The following MAP3K1 variants were observed in gnomAD, a reference collection of about 807,000 sequenced individuals.
MAP3K1 encodes mitogen-activated protein kinase kinase kinase 1.
Under a neutral mutation model 144.2 loss-of-function variants are expected in MAP3K1, and 36 were observed. That is an observed-to-expected ratio of 0.25 (90% confidence interval 0.19 to 0.33). The LOEUF (loss-of-function observed/expected upper bound fraction) is 0.33, where lower values mean the gene tolerates loss of function less well. Ranked by LOEUF, MAP3K1 falls within the 10% of genes least tolerant of loss-of-function variation. The probability of loss-of-function intolerance (pLI) is 1.00; values close to 1 mark genes in which losing one functional copy is unlikely to be tolerated. For synonymous variants in MAP3K1, 718 were observed against 688.7 expected (o/e 1.04, Z -0.67); for missense variants, 1,650 against 1,881.9 (o/e 0.88, Z 2.28).
chr5:56,878,863 A>G (rs560439038), intron 10 of MAP3K1, 117 bp from the exon 11 acceptor site: 18 of 830,696 alleles, frequency 2.2e-5, no homozygotes, highest in East Asian at 2.1e-4. Context: ...ATTTTATTCT[A>G]TGGGTTATAA....
chr5:56,825,764 C>T (rs1014429053), intron 1 of MAP3K1, among the ~76,000 whole-genome samples: 13 of 152,190 alleles, frequency 8.5e-5, no homozygotes, highest in African/African-American at 3.1e-4. Context: ...TCCTCCACTG[C>T]CATGACTGCT....
chr5:56,818,343 C>T (rs1377423598), intron 1 of MAP3K1, among the ~76,000 whole-genome samples: 1 of 151,976 alleles, frequency 6.6e-6, no homozygotes, highest in Non-Finnish European at 1.5e-5. Flanking sequence ...AATAAAATAT[C>T]AATTGAACTT....
intron 1 of MAP3K1, among the ~76,000 whole-genome samples, chr5:56,821,780 G>A (rs1429858143): frequency 6.6e-6 from 1 of 152,150 alleles, no homozygotes; most frequent in Non-Finnish European, 1.5e-5. Context: ...AACATCAGTT[G>A]TTAACAGACC....
At chr5:56,817,647 A>G (rs1302302238) in intron 1 of MAP3K1, among the ~76,000 whole-genome samples, 1 of 152,230 alleles carries the variant, frequency 6.6e-6, no homozygotes, top group Non-Finnish European at 1.5e-5. Context: ...TGCAGATTGT[A>G]TTAAAACTTA....
chr5:56,870,989 C>T (rs1044291887), intron 6 of MAP3K1, among the ~76,000 whole-genome samples: 4 of 152,124 alleles, frequency 2.6e-5, no homozygotes, highest in Non-Finnish European at 2.9e-5. Context: ...TTATCAGGGC[C>T]AGATGTTACC....
chr5:56,817,211 C>T (rs1167783389), intron 1 of MAP3K1: 1 of 498,840 alleles, frequency 2.0e-6, no homozygotes, highest in East Asian at 1.5e-4. Context: ...CAGCTACATC[C>T]TTGTTTGTTT....
At chr5:56,826,849 G>C (rs1340652915) in intron 1 of MAP3K1, among the ~76,000 whole-genome samples, 1 of 152,250 alleles carries the variant, frequency 6.6e-6, no homozygotes, top group Admixed American at 6.5e-5. Flanking sequence ...ACTCAGAGCT[G>C]CCAGCCAGGC....
At chr5:56,843,539 G>C (rs1270978477) in intron 1 of MAP3K1, among the ~76,000 whole-genome samples, 1 of 152,130 alleles carries the variant, frequency 6.6e-6, no homozygotes, top group Non-Finnish European at 1.5e-5. Context: ...TTTTGGTTTG[G>C]TTTGGTTTGG....
chr5:56,876,437 A>C (rs768509033), intron 10 of MAP3K1, among the ~76,000 whole-genome samples: 1 of 152,170 alleles, frequency 6.6e-6, no homozygotes, highest in Non-Finnish European at 1.5e-5. Flanking sequence ...TTTCTAATGC[A>C]TCCTCTACCG....
At chr5:56,873,148 A>G (rs1218724511) in intron 9 of MAP3K1, 143 bp downstream of exon 9, 7 of 783,100 alleles carry the variant, frequency 8.9e-6, no homozygotes, top group Non-Finnish European at 1.5e-5. Flanking sequence ...GGAAATTTTA[A>G]TGTTACTTTT....
At chr5:56,861,700 G>A (rs1402872310) in intron 3 of MAP3K1, among the ~76,000 whole-genome samples, 2 of 151,938 alleles carry the variant, frequency 1.3e-5, no homozygotes, top group Non-Finnish European at 2.9e-5. Flanking sequence ...GAATGCAGAA[G>A]CAGCTATGAG....
intron 2 of MAP3K1, 144 bp downstream of exon 2, chr5:56,856,894 G>T: frequency 1.1e-6 from 1 of 899,310 alleles, no homozygotes; most frequent in South Asian, 1.6e-5. Flanking sequence ...TCATTTGGAA[G>T]AAACCATAAT....
chr5:56,877,476 C>T (rs533638162), intron 10 of MAP3K1, among the ~76,000 whole-genome samples: 1 of 151,690 alleles, frequency 6.6e-6, no homozygotes, highest in South Asian at 2.1e-4. Context: ...TCTCCCCTTC[C>T]TCTGTCTCTT....
At chr5:56,885,072 T>G (rs577951274) in intron 16 of MAP3K1, among the ~76,000 whole-genome samples, 1 of 152,336 alleles carries the variant, frequency 6.6e-6, no homozygotes, top group East Asian at 1.9e-4. Context: ...TGTAGCATTG[T>G]TGTTTTTAAT....
At chr5:56,864,624 C>T (rs1394517498) in intron 3 of MAP3K1, 110 bp from the exon 4 acceptor site, 7 of 1,117,102 alleles carry the variant, frequency 6.3e-6, no homozygotes, top group Middle Eastern at 2.1e-4. Context: ...CCGCCCTCCT[C>T]GGCCTCCCAA....
chr5:56,894,173 T>C lies in MAP3K1; in HGVS notation c.*493T>C, dbSNP rs1219999946. The C allele has an allele frequency of 1.2e-5, 3 of 248,868 alleles. No homozygotes were observed. Among genetic ancestry groups the C allele is most frequent in the Non-Finnish European group, 2.4e-5 (3 of 126,288 alleles). 15.4% of individuals were successfully genotyped at this position (248,868 alleles called of 1,614,324 possible). A position where few individuals can be genotyped will look rare whatever the true frequency, so the allele number is the denominator to read the frequency against. ...TATGCTATGAGTAGCAATACATACA[T>C]ATATTTTTAAAAGTTGATACTTCTT... On this transcript the variant is annotated 3_prime_UTR_variant, in exon 20 of 20. Transcript: ENST00000399503.
chr5:56,852,783 CTCA>C (rs1747214790), intron 1 of MAP3K1, among the ~76,000 whole-genome samples: 1 of 152,058 alleles, frequency 6.6e-6, no homozygotes, highest in African/African-American at 2.4e-5. Flanking sequence ...GGAGATGGCT[CTCA>C]TCTCCCAGTG....
intron 19 of MAP3K1, among the ~76,000 whole-genome samples, chr5:56,890,190 C>G (rs927434711): frequency 6.6e-6 from 1 of 152,048 alleles, no homozygotes; most frequent in Non-Finnish European, 1.5e-5. Flanking sequence ...TTTCTTCTTC[C>G]CAGAGTCTTA....
At chr5:56,862,274 C>G (rs1747539861) in intron 3 of MAP3K1, 1 of 152,154 alleles carries the variant, frequency 6.6e-6, no homozygotes, top group South Asian at 2.1e-4. Flanking sequence ...TTTCGAGAGG[C>G]AAGTCTCAAC....
Sources: allele counts gnomAD v4.1 joint callset (sites outside exome capture counted in the v4.1 genomes callset), GRCh38; gene constraint gnomAD v4.1.1; transcripts MANE v1.5; gene names NCBI Gene and HGNC (gene_info 2026-07-23, HGNC 2026-07-21).